The following TBC1D8B variants were observed in gnomAD, a reference collection of about 807,000 sequenced individuals.
TBC1D8B encodes the protein TBC1 domain family member 8B.
Under a neutral mutation model 82.9 loss-of-function variants are expected in TBC1D8B, and 75 were observed. The observed-to-expected ratio is 0.90, with a 90% CI of 0.75 to 1.10. The LOEUF is 1.10. Ranked by LOEUF, TBC1D8B falls within the 50% of genes least tolerant of loss-of-function variation. The probability of loss-of-function intolerance (pLI) is 0.00; values close to 1 mark genes in which losing one functional copy is unlikely to be tolerated. For synonymous variants in TBC1D8B, 276 were observed against 276.8 expected (o/e 1.00, Z 0.03); for missense variants, 794 against 796.9 (o/e 1.00, Z 0.04).
intron 14 of TBC1D8B, among the ~76,000 whole-genome samples, chrX:106,862,928 G>C (rs1321576850): frequency 9.1e-6 from 1 of 109,438 alleles, no homozygotes; most frequent in Non-Finnish European, 1.9e-5. Context: ...TACCTCTGCG[G>C]GGCTGGTACC....
rs761257542 is a variant in TBC1D8B at position 106,818,815 on chromosome X, TAC to T, written c.241+43_241+44del. ...AAACATAATTCAAATTAAATAAGGGTACTACAAAGCTGAGTATTCATATTTAT... is the reference window on the plus strand; with the variant it reads ...AAACATAATTCAAATTAAATAAGGGTTACAAAGCTGAGTATTCATATTTAT... On this transcript the variant is annotated intron_variant, in intron 2 of 20. Coordinates refer to ENST00000357242, the MANE Select transcript of TBC1D8B (RefSeq NM_017752.3). The T allele has an allele frequency of 5.9e-6, 6 of 1,021,305 alleles. No individual in the cohort carries two copies. The South Asian group carries it at 1.2e-4, about 21-fold the overall frequency. 84.2% of individuals were successfully genotyped at this position (1,021,305 alleles called of 1,213,427 possible).
chrX:106,802,775 A>G lies in TBC1D8B; in HGVS notation c.-79A>G. On this transcript the variant is annotated 5_prime_UTR_variant, in exon 1 of 21. Transcript: ENST00000357242. ...CTGAGGAAGATTTGGTGGGAGGAGA[A>G]GCAGAGGGGAAGAGACGGGTTGAGA... 2 of 1,169,673 alleles carry G rather than the reference A, an allele frequency of 1.7e-6. No individual in the cohort carries two copies. The highest frequency in any genetic ancestry group is 3.8e-5 in the South Asian group (2 of 52,553).
At chrX:106,847,191 A>G (rs1932475623) in intron 10 of TBC1D8B, among the ~76,000 whole-genome samples, 1 of 111,897 alleles carries the variant, frequency 8.9e-6, no homozygotes, top group Admixed American at 9.5e-5. Context: ...AAAAATTTGA[A>G]TTAACCTAAA....
chrX:106,802,814 G>T lies in TBC1D8B; in HGVS notation c.-40G>T. 8.3e-7 allele frequency: 1 copy of T among 1,207,113 alleles called. No homozygotes were observed. Among genetic ancestry groups the T allele is most frequent in the Non-Finnish European group, 1.1e-6 (1 of 892,874 alleles). Reference sequence around the variant, plus strand: ...GACGGGTTGAGAGTGAGGTGAGGAGGGCATCTAGGTCACTGCTCCCGGGGG... The same window carrying T: ...GACGGGTTGAGAGTGAGGTGAGGAGTGCATCTAGGTCACTGCTCCCGGGGG... On this transcript the variant is annotated 5_prime_UTR_variant, in exon 1 of 21. Coordinates refer to ENST00000357242, the MANE Select transcript of TBC1D8B (RefSeq NM_017752.3).
Position 106,873,753 on chromosome X carries a change from G to A in TBC1D8B, c.3151G>A (p.Gly1051Arg). 1 of 1,211,618 alleles carries A rather than the reference G, an allele frequency of 8.3e-7. No individual in the cohort carries two copies. The highest frequency in any genetic ancestry group is 1.1e-6 in the Non-Finnish European group (1 of 895,434). ...KGFSGTVCGS[G>R]GPSEEKTGSH... ...ATTCTCTGGTACTGTCTGTGGTTCT[G>A]GAGGACCCAGTGAGGAAAAAACAGG... is the stretch of plus-strand genomic sequence containing the variant. Residue 1051 changes from glycine (G) to arginine (R), a missense_variant, in exon 21 of 21, where the codon GGA (glycine) becomes AGA (arginine). Physicochemically the swap from Gly to Arg is moderately radical, Grantham distance 125 (BLOSUM62 -2). Transcript: ENST00000357242.
In TBC1D8B at chrX:106,868,390, C is replaced by T. The variant is rs758602892; in HGVS notation, c.2729-3C>T. The T allele has an allele frequency of 5.0e-6, 5 of 995,277 alleles. No individual in the cohort carries two copies. In the South Asian group the frequency reaches 1.4e-4, roughly 27 times the overall value. 82.0% of individuals were successfully genotyped at this position (995,277 alleles called of 1,213,427 possible). A position where few individuals can be genotyped will look rare whatever the true frequency, so the allele number is the denominator to read the frequency against. On this transcript the variant is annotated splice_region_variant and splice_polypyrimidine_tract_variant and intron_variant, in intron 17 of 20. Transcript: ENST00000357242. ...GTAATTTGGGTTATTTATATGTTTT[C>T]AGCTTACACTGAAGTGAAATCTAAG...
At chrX:106,865,718 C>A in intron 15 of TBC1D8B, 75 bp from the exon 16 acceptor site, 1 of 1,083,746 alleles carries the variant, frequency 9.2e-7, no homozygotes, top group Non-Finnish European at 1.2e-6. Flanking sequence ...TTTATTTTAG[C>A]AGACATGGTT....
chrX:106,868,512 A>C, intron 18 of TBC1D8B, 36 bp downstream of exon 18: 1 of 889,966 alleles, frequency 1.1e-6, no homozygotes, highest in African/African-American at 2.0e-5. Context: ...TGTTTTGATG[A>C]TTAGCCACCC....
rs977071124 is a variant in TBC1D8B, at chrX:106,874,405, T to C, written c.*440T>C. The C allele has an allele frequency of 4.4e-5, 5 of 112,721 alleles. No individual in the cohort carries two copies. Among genetic ancestry groups the C allele is most frequent in the African/African-American group, 1.3e-4 (4 of 30,864 alleles). 9.3% of individuals were successfully genotyped at this position (112,721 alleles called of 1,213,427 possible). On this transcript the variant is annotated 3_prime_UTR_variant, in exon 21 of 21. Coordinates refer to ENST00000357242, the MANE Select transcript of TBC1D8B (RefSeq NM_017752.3). ...TGCTTGGGTGTTAGTGAGGCTGATATGTCATGTCAATCGATAAACCCTACT... is the reference window on the plus strand; with the variant it reads ...TGCTTGGGTGTTAGTGAGGCTGATACGTCATGTCAATCGATAAACCCTACT...
At chrX:106,805,420 A>T (rs1005239187) in intron 1 of TBC1D8B, among the ~76,000 whole-genome samples, 6 of 110,577 alleles carry the variant, frequency 5.4e-5, no homozygotes, top group African/African-American at 2.0e-4. Context: ...GCATGGACCA[A>T]CTGCACTAGT....
At chrX:106,819,004 G>C (rs963544543) in intron 2 of TBC1D8B, among the ~76,000 whole-genome samples, 4 of 107,695 alleles carry the variant, frequency 3.7e-5, no homozygotes, top group Admixed American at 1.0e-4. Context: ...GTCTAGCAGG[G>C]CTGATTCTGC....
At chrX:106,837,234 A>C (rs1230952921) in intron 7 of TBC1D8B, among the ~76,000 whole-genome samples, 1 of 112,040 alleles carries the variant, frequency 8.9e-6, no homozygotes, top group Non-Finnish European at 1.9e-5. Context: ...TACAAATGAT[A>C]TCATCAAGAA....
intron 7 of TBC1D8B, among the ~76,000 whole-genome samples, chrX:106,835,312 C>G (rs1217739698): frequency 8.9e-6 from 1 of 112,684 alleles, no homozygotes; most frequent in East Asian, 2.8e-4. Flanking sequence ...ACCTTGGCCT[C>G]TTTTAGCCAC....
chrX:106,831,330 AT>A lies in TBC1D8B; in HGVS notation c.1203+4002del, dbSNP rs755960086. 1.4e-3 allele frequency among the ~76,000 whole-genome samples: 151 copies of A among 110,323 alleles called. 1 individual carries two copies. The highest frequency in any genetic ancestry group is 4.8e-3 in the African/African-American group (146 of 30,477). On this transcript the variant is annotated intron_variant, in intron 7 of 20. Transcript: ENST00000357242. ...AAGCACAATGAAAACATGTAATTAA[AT>A]TTTTTTTTCCATCTCAATTCCAGAC...
intron 10 of TBC1D8B, among the ~76,000 whole-genome samples, chrX:106,846,370 A>T (rs1326049150): frequency 4.9e-5 from 5 of 102,985 alleles, no homozygotes; most frequent in South Asian, 5.0e-4. Flanking sequence ...GGCCTCCCAA[A>T]GTGCTAGGAT....
chrX:106,850,275 TA>T lies in TBC1D8B; in HGVS notation c.2091del (p.Asp698MetfsTer6). The T allele has an allele frequency of 8.3e-7, 1 of 1,209,165 alleles. No homozygotes were observed. The highest frequency in any genetic ancestry group is 3.0e-5 in the East Asian group (1 of 33,783). ...DYNLDKLLTCKDDAEAVTALN... is the reference protein window; with the variant it reads ...DYNLDKLLTCXDDAEAVTALN... The stretch of plus-strand genomic sequence containing the variant: ...ATAATTTAGACAAACTGCTGACTTG[TA>T]AAGATGATGCTGAAGCTGTGACAGC... On this transcript the variant is annotated frameshift_variant, in exon 12 of 21. Coordinates refer to ENST00000357242, the MANE Select transcript of TBC1D8B (RefSeq NM_017752.3). LOFTEE classifies it high-confidence loss of function.
chrX:106,873,779 G>A lies in TBC1D8B; in HGVS notation c.3177G>A (p.Gly1059=). 8.3e-7 allele frequency: 1 copy of A among 1,211,553 alleles called. No homozygotes were observed. The highest frequency in any genetic ancestry group is 1.1e-6 in the Non-Finnish European group (1 of 895,469). ...GAGGACCCAGTGAGGAAAAAACAGG[G>A]AGCCACTTGGAGAAAGATCCTTGTT... ...GSGGPSEEKT[G]SHLEKDPCSF... is the part of the protein sequence containing the mutation. Residue 1059 remains glycine, a synonymous_variant, in exon 21 of 21, where the codon GGG becomes GGA. Transcript: ENST00000357242.
rs765066986 is a variant in TBC1D8B, at chrX:106,850,302, C to T, written c.2115C>T (p.Ala705=). 1 of 1,193,076 alleles carries T rather than the reference C, an allele frequency of 8.4e-7. No homozygotes were observed. Among genetic ancestry groups the T allele is most frequent in the African/African-American group, 1.8e-5 (1 of 56,732 alleles). ...TCKDDAEAVT[A]LNRFFDNVTN... is the part of the protein sequence containing the mutation. ...AAGATGATGCTGAAGCTGTGACAGC[C>T]TTAAACAGGTATTGTAAGAACCATA... Residue 705 remains alanine (A), a synonymous_variant, in exon 12 of 21, where the codon GCC becomes GCT. Transcript: ENST00000357242.
chrX:106,873,280 G>T (rs931361615), intron 20 of TBC1D8B, among the ~76,000 whole-genome samples: 1 of 111,059 alleles, frequency 9.0e-6, no homozygotes, highest in African/African-American at 3.3e-5. Flanking sequence ...TGTATTTTTA[G>T]TAGAGGTTTC....
Sources: allele counts gnomAD v4.1 joint callset (sites outside exome capture counted in the v4.1 genomes callset), GRCh38; gene constraint gnomAD v4.1.1; transcripts MANE v1.5; gene names NCBI Gene and HGNC (gene_info 2026-07-23, HGNC 2026-07-21).